LRMDA: variants seen among roughly 807,000 people sequenced by gnomAD.
LRMDA encodes the protein leucine rich melanocyte differentiation associated.
In LRMDA, 18 loss-of-function variants were observed where a neutral mutation model predicts 29.8. The ratio of observed to expected loss-of-function variants is 0.60; its 90% CI spans 0.42 to 0.90. The LOEUF (loss-of-function observed/expected upper bound fraction) is 0.90. Among genes scored for constraint, LRMDA ranks in the 40% least tolerant of loss-of-function variants. The pLI is 0.00. For synonymous variants in LRMDA, 125 were observed against 109.4 expected, an observed-to-expected ratio of 1.14 and a Z score of -0.89; for missense variants, 273 against 273.9, an observed-to-expected ratio of 1.00 and a Z score of 0.02.
At chr10:75,499,691 G>A (rs1205937819) in intron 2 of LRMDA, among the ~76,000 whole-genome samples, 1 of 152,202 alleles carries the variant, frequency 6.6e-6, no homozygotes, top group Non-Finnish European at 1.5e-5. Flanking sequence ...AGTGCCTTCG[G>A]TGTGTAGACA....
Position 76,499,100 on chromosome 10 carries a change from T to G in LRMDA, c.602-58109T>G, listed in dbSNP as rs1842894693. On this transcript the variant is annotated intron_variant, in intron 6 of 6. Coordinates refer to ENST00000611255, the MANE Select transcript of LRMDA (RefSeq NM_001305581.2). The stretch of plus-strand genomic sequence containing the variant: ...GAAAAATAACTTTACTGAGATATAA[T>G]ACACATTCAATAAAATTCATTCACT... Among the ~76,000 whole-genome samples the G allele has an allele frequency of 2.7e-5, 2 of 75,444 alleles. 1 individual carries two copies. Among genetic ancestry groups the G allele is most frequent in the Admixed American group, 2.5e-4 (2 of 8,056 alleles). 49.5% of individuals were successfully genotyped at this position (75,444 alleles called of 152,430 possible).
chr10:76,410,063 T>C (rs1220215104), intron 6 of LRMDA, among the ~76,000 whole-genome samples: 1 of 151,982 alleles, frequency 6.6e-6, no homozygotes, highest in African/African-American at 2.4e-5. Context: ...AGAGTTCACC[T>C]TGGGGGAACA....
At chr10:76,212,440 T>C (rs142396438) in intron 5 of LRMDA, among the ~76,000 whole-genome samples, 2 of 152,314 alleles carry the variant, frequency 1.3e-5, no homozygotes, top group South Asian at 4.1e-4. Context: ...TTGCTTCTAC[T>C]CCTGGGCCTC....
rs895925694 is a variant in LRMDA at position 76,330,609 on chromosome 10, G to A, written c.601+6124G>A. On this transcript the variant is annotated intron_variant, in intron 6 of 6. Transcript: ENST00000611255. ...GGTTTCTATAACTCACTGCAGGGCAGAGACAGAGGGATGAGGGAGCAGGTA... is the reference window on the plus strand; with the variant it reads ...GGTTTCTATAACTCACTGCAGGGCAAAGACAGAGGGATGAGGGAGCAGGTA... 2.0e-5 allele frequency among the ~76,000 whole-genome samples: 3 copies of A among 152,180 alleles called. 1 individual carries two copies. The highest frequency in any genetic ancestry group is 2.0e-4 in the Admixed American group (3 of 15,282).
At chr10:75,765,084 C>G (rs1843145787) in intron 2 of LRMDA, among the ~76,000 whole-genome samples, 2 of 152,086 alleles carry the variant, frequency 1.3e-5, no homozygotes, top group African/African-American at 4.8e-5. Context: ...GCCCCAGGCA[C>G]TTAGATGCTG....
intron 5 of LRMDA, among the ~76,000 whole-genome samples, chr10:76,266,981 G>A (rs539767361): frequency 4.6e-5 from 7 of 152,040 alleles, no homozygotes; most frequent in African/African-American, 1.7e-4. Flanking sequence ...GATACAGGAG[G>A]GACACATTAT....
At chr10:76,557,136 G>A in intron 6 of LRMDA, 73 bp from the exon 7 acceptor site, 1 of 1,218,726 alleles carries the variant, frequency 8.2e-7, no homozygotes. Context: ...TTGCATGTCT[G>A]CTTTTCAGCA....
intron 6 of LRMDA, among the ~76,000 whole-genome samples, chr10:76,443,096 TC>T (rs1307481304): frequency 1.3e-5 from 2 of 152,158 alleles, no homozygotes; most frequent in African/African-American, 4.8e-5. Context: ...GTGCCTTCAT[TC>T]CTAGCACAGT....
At chr10:75,968,027 C>G (rs755837016) in intron 2 of LRMDA, among the ~76,000 whole-genome samples, 10 of 152,066 alleles carry the variant, frequency 6.6e-5, no homozygotes, top group Admixed American at 1.3e-4. Flanking sequence ...GATGAGAAGC[C>G]TAGTAGGCCT....
chr10:75,626,815 T>C (rs1841255515), intron 2 of LRMDA, among the ~76,000 whole-genome samples: 2 of 152,194 alleles, frequency 1.3e-5, no homozygotes, highest in South Asian at 4.1e-4. Flanking sequence ...GACAGAGAAG[T>C]GGACAGGCTA....
In LRMDA at chr10:76,231,038, T is replaced by C. The variant is rs536547322; in HGVS notation, c.517-93363T>C. Among the ~76,000 whole-genome samples the C allele has an allele frequency of 5.3e-5, 8 of 152,306 alleles. 1 individual carries two copies. The South Asian group carries it at 1.0e-3, about 20-fold the overall frequency. On this transcript the variant is annotated intron_variant, in intron 5 of 6. Transcript: ENST00000611255. The stretch of plus-strand genomic sequence containing the variant: ...TGCAAAGGGTTTTATGTTAATCTTT[T>C]AGTACTTAAAGCAATCTGCAATTAA...
intron 2 of LRMDA, among the ~76,000 whole-genome samples, chr10:75,807,099 A>G (rs1214215322): frequency 1.3e-5 from 2 of 152,000 alleles, no homozygotes; most frequent in Non-Finnish European, 2.9e-5. Flanking sequence ...TGTGCAGAAT[A>G]TGTTCTCACC....
chr10:75,650,035 G>A (rs1841577147), intron 2 of LRMDA, among the ~76,000 whole-genome samples: 1 of 152,126 alleles, frequency 6.6e-6, no homozygotes, highest in South Asian at 2.1e-4. Context: ...TATCAGATAT[G>A]TGATTTGCAA....
intron 2 of LRMDA, among the ~76,000 whole-genome samples, chr10:75,971,590 T>C (rs1305629401): frequency 6.6e-6 from 1 of 152,226 alleles, no homozygotes; most frequent in Non-Finnish European, 1.5e-5. Flanking sequence ...GTGGTTCTCC[T>C]GGAGCATTTT....
chr10:75,474,186 C>A (rs1426601511), intron 2 of LRMDA, among the ~76,000 whole-genome samples: 1 of 152,192 alleles, frequency 6.6e-6, no homozygotes. Context: ...GTGATTAATG[C>A]AGGAATACCT....
chr10:76,280,023 T>C (rs1167812490), intron 5 of LRMDA, among the ~76,000 whole-genome samples: 1 of 152,192 alleles, frequency 6.6e-6, no homozygotes, highest in Non-Finnish European at 1.5e-5. Flanking sequence ...CCAGAGTAGA[T>C]GACTGGTGAA....
intron 2 of LRMDA, among the ~76,000 whole-genome samples, chr10:75,776,701 C>T (rs1406331148): frequency 6.6e-6 from 1 of 152,222 alleles, no homozygotes; most frequent in Non-Finnish European, 1.5e-5. Context: ...GTTCCTATCT[C>T]CTGTTTGCAT....
At chr10:76,275,197 C>T (rs1269698045) in intron 5 of LRMDA, among the ~76,000 whole-genome samples, 1 of 151,842 alleles carries the variant, frequency 6.6e-6, no homozygotes, top group Non-Finnish European at 1.5e-5. Flanking sequence ...TTCATTGTTT[C>T]CTTGTATTGA....
chr10:75,684,839 T>C (rs1842063895), intron 2 of LRMDA, among the ~76,000 whole-genome samples: 1 of 152,174 alleles, frequency 6.6e-6, no homozygotes, highest in Admixed American at 6.5e-5. Context: ...GCCTCAGGCC[T>C]CCCAGCTCAG....
Sources: allele counts gnomAD v4.1 joint callset (sites outside exome capture counted in the v4.1 genomes callset), GRCh38; gene constraint gnomAD v4.1.1; transcripts MANE v1.5; gene names NCBI Gene and HGNC (gene_info 2026-07-23, HGNC 2026-07-21).